Variants in PDE1C observed in about 807,000 individuals in gnomAD.
The protein encoded by PDE1C is phosphodiesterase 1C, also known as dual specificity calcium/calmodulin-dependent 3',5'-cyclic nucleotide phosphodiesterase 1C.
In PDE1C, 62 loss-of-function variants were observed where a neutral mutation model predicts 93.1. The observed-to-expected ratio is 0.67, with a 90% CI of 0.54 to 0.82. The LOEUF is 0.82. Ranked by LOEUF, PDE1C falls within the 40% of genes least tolerant of loss-of-function variation. PDE1C has a pLI of 0.00. For synonymous variants in PDE1C, 325 were observed against 310.1 expected (o/e 1.05, Z -0.50); for missense variants, 742 against 884.6 (o/e 0.84, Z 2.04).
chr7:31,642,807 T>C, the PDE1C span: 1 of 1,613,756 alleles, frequency 6.2e-7, no homozygotes, highest in Non-Finnish European at 8.5e-7. Context: ...ATTCCAAAAG[T>C]AGGGCGAGCA....
the PDE1C span, among the ~76,000 whole-genome samples, chr7:31,722,346 A>G: frequency 6.6e-6 from 1 of 152,186 alleles, no homozygotes; most frequent in Non-Finnish European, 1.5e-5. Flanking sequence ...TGTTCTCCTG[A>G]TATAAAATGT....
intron 1 of PDE1C, among the ~76,000 whole-genome samples, chr7:32,354,590 C>A (rs368606229): frequency 1.3e-5 from 2 of 152,248 alleles, no homozygotes; most frequent in East Asian, 3.9e-4. Flanking sequence ...CAGAATGATA[C>A]CTTGTTTAAA....
chr7:31,816,052 C>G lies in PDE1C; in HGVS notation c.1685G>C (p.Gly562Ala), dbSNP rs1452514019. 6.2e-7 allele frequency: 1 copy of G among 1,614,038 alleles called. No homozygotes were observed. The highest frequency in any genetic ancestry group is 2.2e-5 in the East Asian group (1 of 44,862). Residue 562 changes from glycine (G) to alanine (A), a missense_variant, in exon 15 of 18, where the codon GGC becomes GCC. Coordinates refer to ENST00000396191, the MANE Select transcript of PDE1C (RefSeq NM_001191057.4). ...TCCAGACGTCTTTTTCTCAGCTTTG[C>G]CAGATGCGCCTTCTTCAGCCTGGCT... ...AKSQAEEGAS[G>A]KAEKKTSGET...
At chr7:32,275,784 A>G (rs1450872) in intron 1 of PDE1C, among the ~76,000 whole-genome samples, 150,420 of 152,316 alleles carry the variant, frequency 0.99, 74,310 homozygotes, top group Middle Eastern at 1. Context: ...ATTTATGCAC[A>G]CACTCCCAAA....
intron 1 of PDE1C, among the ~76,000 whole-genome samples, chr7:32,283,890 C>A (rs1364657366): frequency 6.6e-6 from 1 of 152,188 alleles, no homozygotes; most frequent in Non-Finnish European, 1.5e-5. Context: ...GGGCTTTAAT[C>A]TTCCATTTCT....
At chr7:31,681,711 G>A in the PDE1C span, among the ~76,000 whole-genome samples, 1 of 152,108 alleles carries the variant, frequency 6.6e-6, no homozygotes, top group Non-Finnish European at 1.5e-5. Flanking sequence ...AACGTTCAGT[G>A]AATGATAATT....
chr7:31,895,630 T>A (rs920577586), intron 2 of PDE1C, among the ~76,000 whole-genome samples: 1 of 145,674 alleles, frequency 6.9e-6, no homozygotes, highest in Admixed American at 6.8e-5. Flanking sequence ...CTGATATGGT[T>A]TGGCTGTGTC....
At chr7:32,341,173 C>CTTTTTTTTTTTTTTTTTTT (rs3079623) in intron 1 of PDE1C, among the ~76,000 whole-genome samples, 2 of 84,950 alleles carry the variant, frequency 2.4e-5, no homozygotes, top group Non-Finnish European at 4.3e-5. Flanking sequence ...GAAATAAAGT[C>CTTTTTTTTTTTTTTTTTTT]TTTTTTTTTT....
At chr7:32,390,722 C>T (rs773799108) in intron 1 of PDE1C, among the ~76,000 whole-genome samples, 35 of 151,966 alleles carry the variant, frequency 2.3e-4, no homozygotes, top group Admixed American at 1.4e-3. Context: ...TGGTGCAGAC[C>T]TGTAGTCCCA....
the PDE1C span, among the ~76,000 whole-genome samples, chr7:31,617,716 A>AC: frequency 1.3e-5 from 2 of 152,128 alleles, no homozygotes; most frequent in Non-Finnish European, 2.9e-5. Flanking sequence ...TCCGACCCCC[A>AC]CAGTACTTTA....
At chr7:32,296,617 C>CAGATTGG (rs1470665043) in intron 1 of PDE1C, among the ~76,000 whole-genome samples, 1 of 152,106 alleles carries the variant, frequency 6.6e-6, no homozygotes, top group African/African-American at 2.4e-5. Context: ...ATCTGCTAGA[C>CAGATTGG]CAACTCTTCT....
At chr7:31,696,987 T>C in the PDE1C span, 1 of 1,614,116 alleles carries the variant, frequency 6.2e-7, no homozygotes, top group South Asian at 1.1e-5. Flanking sequence ...AACATTTAAT[T>C]AAAAGATACG....
At chr7:32,404,102 G>T (rs1253800010) in intron 1 of PDE1C, among the ~76,000 whole-genome samples, 2 of 152,156 alleles carry the variant, frequency 1.3e-5, no homozygotes. Flanking sequence ...TGGCCCCTCA[G>T]TCAAGGAGTG....
chr7:32,044,637 T>A (rs1390600669), intron 2 of PDE1C, among the ~76,000 whole-genome samples: 1 of 152,006 alleles, frequency 6.6e-6, no homozygotes, highest in African/African-American at 2.4e-5. Context: ...TGGACCAAGA[T>A]CATGGGAGGG....
intron 17 of PDE1C, among the ~76,000 whole-genome samples, chr7:31,756,167 T>A (rs543864522): frequency 6.6e-6 from 1 of 152,092 alleles, no homozygotes; most frequent in Non-Finnish European, 1.5e-5. Context: ...GCAAGACTCC[T>A]TCTCATAAAT....
At chr7:31,942,013 AATGAG>A (rs1805921491) in intron 2 of PDE1C, among the ~76,000 whole-genome samples, 1 of 152,208 alleles carries the variant, frequency 6.6e-6, no homozygotes, top group African/African-American at 2.4e-5. Flanking sequence ...CAACACCATA[AATGAG>A]ATATCATTCT....
At chr7:32,133,521 A>C (rs2128773634) in intron 3 of PDE1C, among the ~76,000 whole-genome samples, 1 of 152,294 alleles carries the variant, frequency 6.6e-6, no homozygotes, top group African/African-American at 2.4e-5. Context: ...CCAGGGAGTG[A>C]GGAAGGACCC....
chr7:31,725,022 T>C, the PDE1C span, among the ~76,000 whole-genome samples: 7 of 152,302 alleles, frequency 4.6e-5, no homozygotes, highest in Non-Finnish European at 8.8e-5. Flanking sequence ...ACACAGGGCA[T>C]ATGGTAAGCA....
At chr7:31,815,380 T>C (rs1211369377) in intron 15 of PDE1C, among the ~76,000 whole-genome samples, 1 of 152,156 alleles carries the variant, frequency 6.6e-6, no homozygotes, top group Non-Finnish European at 1.5e-5. Context: ...ATGCACACTA[T>C]GGTGACCAGC....
Sources: gnomAD v4.1 joint callset for allele counts (sites outside exome capture counted in the v4.1 genomes callset) on GRCh38, gnomAD v4.1.1 for gene constraint, MANE v1.5 for transcripts, NCBI Gene and HGNC (gene_info 2026-07-23, HGNC 2026-07-21) for gene names.